Variants in ARHGAP15 observed in about 807,000 individuals in gnomAD.
The protein encoded by ARHGAP15 is Rho GTPase activating protein 15, also known as rho GTPase-activating protein 15.
A neutral mutation model predicts 63.7 loss-of-function variants in ARHGAP15; 51 were observed. That is an observed-to-expected ratio of 0.80 (90% confidence interval 0.64 to 1.01). The LOEUF (loss-of-function observed/expected upper bound fraction) is 1.01, where lower values mean the gene tolerates loss of function less well. Among genes scored for constraint, ARHGAP15 ranks in the 50% least tolerant of loss-of-function variants. The pLI is 0.00. For missense variants in ARHGAP15, 560 were observed against 564.6 expected (o/e 0.99, Z 0.08); for synonymous variants, 191 against 193.8 (o/e 0.99, Z 0.12).
At chr2:143,395,788 A>T (rs1490837829) in intron 6 of ARHGAP15, among the ~76,000 whole-genome samples, 2 of 152,084 alleles carry the variant, frequency 1.3e-5, no homozygotes, top group Admixed American at 6.6e-5. Flanking sequence ...AATGAGAAAG[A>T]CAGAAAGGCA....
At chr2:143,506,841 A>T (rs1693346535) in intron 9 of ARHGAP15, among the ~76,000 whole-genome samples, 1 of 152,046 alleles carries the variant, frequency 6.6e-6, no homozygotes, top group South Asian at 2.1e-4. Context: ...AGTCTGTCCT[A>T]CTGTGGTCTG....
chr2:143,572,372 A>T (rs1212810711), intron 11 of ARHGAP15, among the ~76,000 whole-genome samples: 3 of 151,972 alleles, frequency 2.0e-5, no homozygotes, highest in African/African-American at 4.8e-5. Flanking sequence ...CTTTCTCCAT[A>T]GTCATACTCT....
chr2:143,418,010 GAAACTC>G (rs560834874), intron 6 of ARHGAP15, among the ~76,000 whole-genome samples: 1 of 152,154 alleles, frequency 6.6e-6, no homozygotes, highest in Non-Finnish European at 1.5e-5. Flanking sequence ...TGTAGAACAA[GAAACTC>G]AAACTAATAG....
At chr2:143,304,957 C>A (rs184222120) in intron 6 of ARHGAP15, among the ~76,000 whole-genome samples, 141 of 152,076 alleles carry the variant, frequency 9.3e-4, no homozygotes, top group Admixed American at 8.4e-3. Flanking sequence ...ACCATTGGAC[C>A]TAGCAATCCC....
chr2:143,444,322 T>A (rs1175960308), intron 8 of ARHGAP15, among the ~76,000 whole-genome samples: 1 of 152,208 alleles, frequency 6.6e-6, no homozygotes, highest in Non-Finnish European at 1.5e-5. Context: ...TTTGGTATCC[T>A]CAGAAAGTGT....
chr2:143,679,271 A>G (rs1411070204), intron 12 of ARHGAP15, among the ~76,000 whole-genome samples: 1 of 152,254 alleles, frequency 6.6e-6, no homozygotes, highest in Non-Finnish European at 1.5e-5. Flanking sequence ...TAAATTGGAG[A>G]AAGGGCTACA....
chr2:143,329,790 G>A (rs1017490173), intron 6 of ARHGAP15, among the ~76,000 whole-genome samples: 30 of 151,498 alleles, frequency 2.0e-4, no homozygotes, highest in Admixed American at 2.0e-4. Flanking sequence ...ACCCCCCTCC[G>A]TAGTTCAGCA....
At chr2:143,695,382 A>T (rs1338554679) in intron 12 of ARHGAP15, among the ~76,000 whole-genome samples, 1 of 152,176 alleles carries the variant, frequency 6.6e-6, no homozygotes, top group Non-Finnish European at 1.5e-5. Flanking sequence ...GAAGGACAAT[A>T]GGATCATGCT....
chr2:143,210,732 C>A (rs1185240184), intron 3 of ARHGAP15, among the ~76,000 whole-genome samples: 2 of 152,122 alleles, frequency 1.3e-5, no homozygotes, highest in African/African-American at 4.8e-5. Context: ...AATCAAATTT[C>A]ATGCTGAAAT....
intron 6 of ARHGAP15, among the ~76,000 whole-genome samples, chr2:143,322,701 GC>G (rs1388474338): frequency 6.6e-6 from 1 of 152,170 alleles, no homozygotes; most frequent in Admixed American, 6.5e-5. Context: ...TCAGGATCTA[GC>G]CTAATTATTG....
intron 12 of ARHGAP15, among the ~76,000 whole-genome samples, chr2:143,631,380 C>T (rs1409723696): frequency 2.6e-5 from 4 of 152,028 alleles, no homozygotes; most frequent in Admixed American, 6.6e-5. Context: ...TATATATGAA[C>T]TTTTTAAGAA....
At chr2:143,353,992 A>T (rs1558915101) in intron 6 of ARHGAP15, among the ~76,000 whole-genome samples, 3 of 143,484 alleles carry the variant, frequency 2.1e-5, no homozygotes, top group Non-Finnish European at 4.5e-5. Flanking sequence ...CTGTTCAGGT[A>T]TTTTTTTTTT....
intron 2 of ARHGAP15, among the ~76,000 whole-genome samples, chr2:143,169,414 C>T (rs1480085818): frequency 6.6e-6 from 1 of 151,966 alleles, no homozygotes. Flanking sequence ...ATTTGTATGT[C>T]CCCTGAGGAC....
chr2:143,642,343 G>C (rs1680645501), intron 12 of ARHGAP15, among the ~76,000 whole-genome samples: 1 of 151,924 alleles, frequency 6.6e-6, no homozygotes, highest in African/African-American at 2.4e-5. Flanking sequence ...CTCAAACCTG[G>C]CTTTTTGATC....
At chr2:143,393,558 C>G (rs1430084074) in intron 6 of ARHGAP15, among the ~76,000 whole-genome samples, 5 of 151,414 alleles carry the variant, frequency 3.3e-5, no homozygotes, top group Non-Finnish European at 7.4e-5. Context: ...ATGGTGAAAC[C>G]CCATCTCTAC....
intron 12 of ARHGAP15, among the ~76,000 whole-genome samples, chr2:143,684,286 G>A (rs1683229418): frequency 1.3e-5 from 2 of 152,156 alleles, no homozygotes; most frequent in South Asian, 4.1e-4. Context: ...GAATAAAAAT[G>A]TGGATCCAGG....
At position 143,768,308 on chromosome 2, in the gene ARHGAP15, TTTTGTG is replaced by T. The variant is rs2105566545; in HGVS notation, c.*140_*145del. 1.2e-6 allele frequency: 1 copy of T among 838,210 alleles called. No homozygotes were observed. Among genetic ancestry groups the T allele is most frequent in the South Asian group, 1.9e-5 (1 of 53,826 alleles). 51.9% of individuals were successfully genotyped at this position (838,210 alleles called of 1,614,324 possible). On this transcript the variant is annotated 3_prime_UTR_variant, in exon 14 of 14. Coordinates refer to ENST00000295095, the MANE Select transcript of ARHGAP15 (RefSeq NM_018460.4). Reference sequence around the variant, plus strand: ...TCATTTTGTGAAAACTTAATGATGATTTTGTGTTTAAGTTCCAAACATTTGAATAAA... The same window carrying T: ...TCATTTTGTGAAAACTTAATGATGATTTTAAGTTCCAAACATTTGAATAAA...
chr2:143,568,183 A>G (rs1696311175), intron 11 of ARHGAP15, among the ~76,000 whole-genome samples: 1 of 152,166 alleles, frequency 6.6e-6, no homozygotes, highest in Admixed American at 6.5e-5. Context: ...ATCTAATTAA[A>G]CTAAAGAGCT....
In ARHGAP15 at chr2:143,435,586, T is replaced by TTC. The variant is rs765817628; in HGVS notation, c.475-14_475-13insCT. The TTC allele has an allele frequency of 3.3e-6, 5 of 1,505,600 alleles. No homozygotes were observed. The highest frequency in any genetic ancestry group is 2.7e-5 in the South Asian group (2 of 74,762). The allele number at this position is 1,505,600 out of a possible 1,614,324, so 93.3% of individuals were successfully genotyped here. On this transcript the variant is annotated splice_polypyrimidine_tract_variant and intron_variant, in intron 6 of 13. Transcript: ENST00000295095. ...TTTACCTGTCTATTTCTTTTTCTTTTTTTTTTTTTTGCAGATCACAACAGT... is the reference window on the plus strand; with the variant it reads ...TTTACCTGTCTATTTCTTTTTCTTTTTCTTTTTTTTTTGCAGATCACAACAGT...
Sources: gnomAD v4.1 joint callset for allele counts (sites outside exome capture counted in the v4.1 genomes callset) on GRCh38, gnomAD v4.1.1 for gene constraint, MANE v1.5 for transcripts, NCBI Gene and HGNC (gene_info 2026-07-23, HGNC 2026-07-21) for gene names.